MAP1B: variants seen among roughly 807,000 people sequenced by gnomAD.
The protein encoded by MAP1B is microtubule associated protein 1B, also known as microtubule-associated protein 1B.
MAP1B carries 12 observed loss-of-function variants against 176.1 expected under a neutral mutation model. That is an observed-to-expected ratio of 0.07 (90% confidence interval 0.04 to 0.11). The LOEUF is 0.11. MAP1B is among the 10% of genes least tolerant of loss of function. The pLI, the probability that MAP1B is intolerant of heterozygous loss-of-function variation, is 1.00. For synonymous variants in MAP1B, 1,044 were observed against 1,135.0 expected (o/e 0.92, Z 1.61); for missense variants, 2,523 against 2,990.5 (o/e 0.84, Z 3.65).
intron 2 of MAP1B, among the ~76,000 whole-genome samples, chr5:72,156,940 A>C (rs1332822442): frequency 6.6e-6 from 1 of 152,226 alleles, no homozygotes; most frequent in Non-Finnish European, 1.5e-5. Flanking sequence ...AGACCTTGTA[A>C]GTCACGAGTC....
At chr5:72,169,103 C>T (rs1746486557) in intron 2 of MAP1B, among the ~76,000 whole-genome samples, 1 of 152,066 alleles carries the variant, frequency 6.6e-6, no homozygotes, top group South Asian at 2.1e-4. Flanking sequence ...TTAATAGTGA[C>T]CTTGTGAAGA....
intron 2 of MAP1B, among the ~76,000 whole-genome samples, chr5:72,153,959 G>A (rs1298535856): frequency 2.0e-5 from 3 of 151,826 alleles, no homozygotes; most frequent in Non-Finnish European, 2.9e-5. Flanking sequence ...ATATAATTTC[G>A]GACTAAAATC....
In MAP1B at chr5:72,186,288, C is replaced by G. The variant is rs1460966203; in HGVS notation, c.370-326C>G. 1.3e-5 allele frequency among the ~76,000 whole-genome samples: 2 copies of G among 152,196 alleles called. No individual in the cohort carries two copies. The highest frequency in any genetic ancestry group is 6.5e-5 in the Admixed American group (1 of 15,278). ...TAACAGCTGTGGAACAAATGATTACCAGCTGTGAAGACTGCTTTGAAAAAG... is the reference window on the plus strand; with the variant it reads ...TAACAGCTGTGGAACAAATGATTACGAGCTGTGAAGACTGCTTTGAAAAAG... On this transcript the variant is annotated intron_variant, in intron 3 of 6. Transcript: ENST00000296755. This position sits in a 1 kb window ranked among gnomAD's most constrained non-coding sequence, Gnocchi z 4.3.
At chr5:72,188,126 A>T (rs983682839) in intron 4 of MAP1B, among the ~76,000 whole-genome samples, 4 of 152,204 alleles carry the variant, frequency 2.6e-5, no homozygotes, top group Admixed American at 2.6e-4. Context: ...AGGCCTAGTA[A>T]GCCGCTGTTC....
intron 2 of MAP1B, among the ~76,000 whole-genome samples, chr5:72,181,060 T>C (rs1039283072): frequency 3.9e-5 from 6 of 152,208 alleles, no homozygotes; most frequent in African/African-American, 1.2e-4. Flanking sequence ...TAAAGGGGGA[T>C]AATCATAGTA....
At position 72,198,726 on chromosome 5, in the gene MAP1B, G is replaced by C. The variant is rs1747247115; in HGVS notation, c.5371G>C (p.Glu1791Gln). Residue 1791 changes from glutamate to glutamine, a missense_variant, in exon 5 of 7, where the codon GAG becomes CAG. Transcript: ENST00000296755. ...KSDISPLTPR[E>Q]SSPLYSPTFS... Reference sequence around the variant, plus strand: ...TGATATCTCTCCACTCACCCCACGAGAGTCCTCTCCTTTATATTCACCTAC... The same window carrying C: ...TGATATCTCTCCACTCACCCCACGACAGTCCTCTCCTTTATATTCACCTAC... The C allele has an allele frequency of 6.2e-7, 1 of 1,614,012 alleles. No homozygotes were observed.
At chr5:72,168,778 CT>C (rs936337486) in intron 2 of MAP1B, among the ~76,000 whole-genome samples, 1 of 152,202 alleles carries the variant, frequency 6.6e-6, no homozygotes, top group African/African-American at 2.4e-5. Flanking sequence ...AGACCTGTTT[CT>C]CAGGAGAGCT....
chr5:72,158,316 G>C (rs1185287341), intron 2 of MAP1B, among the ~76,000 whole-genome samples: 1 of 151,954 alleles, frequency 6.6e-6, no homozygotes, highest in African/African-American at 2.4e-5. Flanking sequence ...CCTATCCCCC[G>C]ATTCTTATGA....
chr5:72,179,230 G>A (rs1580009909), intron 2 of MAP1B, among the ~76,000 whole-genome samples: 1 of 152,328 alleles, frequency 6.6e-6, no homozygotes, highest in Non-Finnish European at 1.5e-5. Context: ...GAAGCGATAA[G>A]TGACACAATC....
In MAP1B at chr5:72,199,622, A is replaced by G; in HGVS notation, c.6267A>G (p.Glu2089=). 6.2e-7 allele frequency: 1 copy of G among 1,614,194 alleles called. No individual in the cohort carries two copies. The highest frequency in any genetic ancestry group is 8.5e-7 in the Non-Finnish European group (1 of 1,180,032). ...ATTTATGCCTCGTGTCCTCTTGTGA[A>G]TACAAGCACCCCAAGACAGAGCTTT... is the stretch of plus-strand genomic sequence containing the variant. ...DVDLCLVSSC[E]YKHPKTELSP... Residue 2089 remains glutamate (E), a synonymous_variant, in exon 5 of 7, where the codon GAA becomes GAG. Transcript: ENST00000296755. This position sits in a 1 kb window ranked among gnomAD's most constrained non-coding sequence, Gnocchi z 4.2.
At chr5:72,165,697 T>C (rs1450556101) in intron 2 of MAP1B, among the ~76,000 whole-genome samples, 1 of 152,182 alleles carries the variant, frequency 6.6e-6, no homozygotes, top group East Asian at 1.9e-4. Flanking sequence ...ATCACTACCC[T>C]AGATGAAAAA....
At position 72,115,718 on chromosome 5, in the gene MAP1B, A is replaced by C. The variant is rs757748608; in HGVS notation, c.205A>C (p.Asn69His). The C allele has an allele frequency of 3.7e-6, 6 of 1,612,608 alleles. No homozygotes were observed. Reference sequence around the variant, plus strand: ...CCTAGGAATCCGATCATGGGACACAAACCTGATTGAATGCAACTTGGACCA... The same window carrying C: ...CCTAGGAATCCGATCATGGGACACACACCTGATTGAATGCAACTTGGACCA... ...IELGIRSWDT[N>H]LIECNLDQEL... Residue 69 changes from asparagine to histidine, a missense_variant, in exon 2 of 7, where the codon AAC becomes CAC. By Grantham distance (68) the Asn-to-His change is moderately conservative. Transcript: ENST00000296755.
chr5:72,168,661 C>T (rs574869549), intron 2 of MAP1B, among the ~76,000 whole-genome samples: 1 of 152,206 alleles, frequency 6.6e-6, no homozygotes, highest in Non-Finnish European at 1.5e-5. Context: ...ATTTCCCTCC[C>T]TCCTTGGACT....
At chr5:72,203,868 A>G (rs944623258) in intron 6 of MAP1B, 67 bp downstream of exon 6, 37 of 1,463,006 alleles carry the variant, frequency 2.5e-5, no homozygotes, top group Non-Finnish European at 3.4e-5. Context: ...GGAAGGAACC[A>G]TGTTTAAAGA....
intron 2 of MAP1B, among the ~76,000 whole-genome samples, chr5:72,160,218 T>TA (rs11402347): frequency 0.12 from 17,934 of 145,588 alleles, 2,845 homozygotes; most frequent in African/African-American, 0.38. Context: ...GTTGGAAACT[T>TA]AAAAAAAAAA....
rs551509961 is a variant in MAP1B at position 72,110,928 on chromosome 5, C to T, written c.184+3213C>T. On this transcript the variant is annotated intron_variant, in intron 1 of 6. Coordinates refer to ENST00000296755, the MANE Select transcript of MAP1B (RefSeq NM_005909.5). ...CTTGAAACCAGGGAAGAGAGATGGT[C>T]CCTCTTGCTTTCTCAACTATATTCG... Among the ~76,000 whole-genome samples, 9 of 152,312 alleles carry T rather than the reference C, an allele frequency of 5.9e-5. No individual in the cohort carries two copies. The South Asian group carries it at 1.2e-3, about 21-fold the overall frequency.
intron 2 of MAP1B, among the ~76,000 whole-genome samples, chr5:72,179,107 C>T (rs1436575286): frequency 2.0e-5 from 3 of 152,104 alleles, no homozygotes; most frequent in African/African-American, 4.8e-5. Flanking sequence ...TGAGGTGGCG[C>T]GGACCCCTTT....
intron 3 of MAP1B, 61 bp downstream of exon 3, chr5:72,183,886 GGATT>G: frequency 7.0e-7 from 1 of 1,428,674 alleles, no homozygotes; most frequent in East Asian, 2.3e-5. Flanking sequence ...GGGACCCAGT[GGATT>G]AGAAGGGCTG....
Position 72,110,209 on chromosome 5 carries a change from G to T in MAP1B, c.184+2494G>T, listed in dbSNP as rs199630014. Among the ~76,000 whole-genome samples, 10 of 152,216 alleles carry T rather than the reference G, an allele frequency of 6.6e-5. No individual in the cohort carries two copies. In the East Asian group the frequency reaches 7.7e-4, roughly 12 times the overall value. On this transcript the variant is annotated intron_variant, in intron 1 of 6. Coordinates refer to ENST00000296755, the MANE Select transcript of MAP1B (RefSeq NM_005909.5). ...AACAGACATTACTGGAACCCCAGAA[G>T]CCCCCTTGTGTTCCCTTTGCAATAG...
Sources: gnomAD v4.1 joint callset for allele counts (sites outside exome capture counted in the v4.1 genomes callset) on GRCh38, gnomAD v4.1.1 for gene constraint, Gnocchi (gnomAD v3.1) non-coding constraint, MANE v1.5 for transcripts, NCBI Gene and HGNC (gene_info 2026-07-23, HGNC 2026-07-21) for gene names.